GSN: variants seen among roughly 807,000 people sequenced by gnomAD.
GSN encodes gelsolin.
A neutral mutation model predicts 85.7 loss-of-function variants in GSN; 56 were observed. That is an observed-to-expected ratio of 0.65 (90% CI 0.53 to 0.82). The LOEUF (loss-of-function observed/expected upper bound fraction) is 0.82, where lower values mean the gene tolerates loss of function less well. GSN is among the 40% of genes least tolerant of loss of function. GSN has a pLI of 0.00. For synonymous variants in GSN, 373 were observed against 399.1 expected (o/e 0.93, Z 0.78); for missense variants, 857 against 979.8 (o/e 0.87, Z 1.67).
intron 2 of GSN, chr9:121,286,246 G>A: frequency 8.8e-7 from 1 of 1,137,608 alleles, no homozygotes; most frequent in Non-Finnish European, 1.3e-6. Flanking sequence ...ACGCCAGGGA[G>A]ACCCGAGGGA....
At chr9:121,271,384 C>A (rs768588689) in intron 1 of GSN, among the ~76,000 whole-genome samples, 1 of 152,154 alleles carries the variant, frequency 6.6e-6, no homozygotes, top group Non-Finnish European at 1.5e-5. Flanking sequence ...AAAAAGCTAT[C>A]TTTTAATATA....
rs564540580 is a variant in GSN, at chr9:121,292,477, G to T, written c.-9-9486G>T. Among the ~76,000 whole-genome samples, 8 of 152,236 alleles carry T rather than the reference G, an allele frequency of 5.3e-5. No homozygotes were observed. The East Asian group carries it at 1.5e-3, about 29-fold the overall frequency. On this transcript the variant is annotated intron_variant, in intron 2 of 17. Coordinates refer to ENST00000432226, the MANE Select transcript of GSN (RefSeq NM_198252.3). ...GCCAGTGAGCTGTATGTGTGTATAG[G>T]GTCTGGACACATGCTGTAGGTCATC...
At chr9:121,206,062 T>G (rs1004690232), upstream of GSN, among the ~76,000 whole-genome samples, 20 of 152,130 alleles carry the variant, frequency 1.3e-4, no homozygotes, top group Non-Finnish European at 2.8e-4. Flanking sequence ...GACTTTAAAA[T>G]ACTGGTGTCC....
At chr9:121,232,621 G>T (rs2054413669) in intron 5 of GSN, among the ~76,000 whole-genome samples, 1 of 152,178 alleles carries the variant, frequency 6.6e-6, no homozygotes, top group Non-Finnish European at 1.5e-5. Flanking sequence ...GTACGATATG[G>T]TATCATCGAC....
In GSN at chr9:121,321,405, A is replaced by G. The variant is rs2062428956; in HGVS notation, c.1325+4A>G. 1.9e-6 allele frequency: 3 copies of G among 1,613,766 alleles called. No individual in the cohort carries two copies. Among genetic ancestry groups the G allele is most frequent in the Non-Finnish European group, 2.5e-6 (3 of 1,179,754 alleles). ...AGGGGCAGATAATCTATAACTGGTG[A>G]GGTTCTGGGGCCATTGGTGTGTGTC... On this transcript the variant is annotated splice_donor_region_variant and intron_variant, in intron 11 of 17. Transcript: ENST00000432226.
At chr9:121,263,614 G>A (rs954351486), upstream of GSN, among the ~76,000 whole-genome samples, 2 of 152,106 alleles carry the variant, frequency 1.3e-5, no homozygotes, top group African/African-American at 2.4e-5. Flanking sequence ...GTCTCGGCTG[G>A]GCAAGATGGC....
intron 6 of GSN, among the ~76,000 whole-genome samples, chr9:121,251,338 T>A (rs531500208): frequency 3.3e-4 from 50 of 151,688 alleles, no homozygotes; most frequent in African/African-American, 1.2e-3. Context: ...CCTGTCACCA[T>A]ACTTGGCTAA....
chr9:121,305,781 G>C (rs539307275), intron 4 of GSN, among the ~76,000 whole-genome samples: 147 of 152,338 alleles, frequency 9.6e-4, no homozygotes, highest in African/African-American at 3.4e-3. Flanking sequence ...GGCTGGTCTT[G>C]TTTACCACCT....
Position 121,313,821 on chromosome 9 carries a change from T to C in GSN, c.664-113T>C, listed in dbSNP as rs998728113. The stretch of plus-strand genomic sequence containing the variant: ...TGTGTCTGGAGGAGGTCAGACTCCA[T>C]GGGGAGGGTCACAGTGGATGTCCTT... On this transcript the variant is annotated intron_variant, in intron 6 of 17. Transcript: ENST00000432226. The C allele has an allele frequency of 4.2e-5, 35 of 843,086 alleles. 1 individual carries two copies. Among genetic ancestry groups the C allele is most frequent in the Non-Finnish European group, 2.9e-5 (14 of 486,598 alleles). The allele number at this position is 843,086 out of a possible 1,614,324, so 52.2% of individuals were successfully genotyped here. A position where few individuals can be genotyped will look rare whatever the true frequency, so the allele number is the denominator to read the frequency against.
At chr9:121,324,407 C>T in intron 11 of GSN, 147 bp from the exon 12 acceptor site, 1 of 666,088 alleles carries the variant, frequency 1.5e-6, no homozygotes. Context: ...TGGTTCCTGG[C>T]TCTCGTTGTT....
At chr9:121,310,276 C>T (rs1405980532) in intron 4 of GSN, 2 of 298,420 alleles carry the variant, frequency 6.7e-6, no homozygotes, top group Non-Finnish European at 1.3e-5. Context: ...GAACTCTTTC[C>T]TTGCAGAATG....
intron 11 of GSN, among the ~76,000 whole-genome samples, chr9:121,323,848 A>C (rs553814410): frequency 2.0e-5 from 3 of 152,200 alleles, no homozygotes; most frequent in African/African-American, 7.2e-5. Flanking sequence ...TCAATTTGAC[A>C]ACCCCAGACA....
At chr9:121,226,785 T>G (rs1042212547) in intron 4 of GSN, among the ~76,000 whole-genome samples, 1 of 152,190 alleles carries the variant, frequency 6.6e-6, no homozygotes, top group African/African-American at 2.4e-5. Context: ...GGCTCCCGGA[T>G]GGGGGCTGGT....
chr9:121,225,466 C>T (rs180699848), intron 4 of GSN, among the ~76,000 whole-genome samples: 1 of 152,214 alleles, frequency 6.6e-6, no homozygotes, highest in Non-Finnish European at 1.5e-5. Flanking sequence ...AGCCTAGGCA[C>T]GGCTGTTAGA....
At chr9:121,226,564 A>C (rs1043960082) in intron 4 of GSN, among the ~76,000 whole-genome samples, 1 of 152,200 alleles carries the variant, frequency 6.6e-6, no homozygotes, top group Non-Finnish European at 1.5e-5. Flanking sequence ...ACCTGGGGTG[A>C]AATAATAAGA....
chr9:121,288,596 G>T (rs2058377103), intron 2 of GSN, among the ~76,000 whole-genome samples: 1 of 152,190 alleles, frequency 6.6e-6, no homozygotes, highest in African/African-American at 2.4e-5. Flanking sequence ...GAAGAAACGG[G>T]CACTGAGACG....
Position 121,302,153 on chromosome 9 carries a change from T to A in GSN, c.182T>A (p.Leu61His). Reference sequence around the variant, plus strand: ...AGGAACGGAAATCTGCAGTATGACCTCCACTACTGGCTGGGTGAGGCTGGC... The same window carrying A: ...AGGAACGGAAATCTGCAGTATGACCACCACTACTGGCTGGGTGAGGCTGGC... ...QLRNGNLQYD[L>H]HYWLGNECSQ... The change falls in exon 3 of 18, where the codon CTC becomes CAC. Residue 61 changes from leucine to histidine, a missense_variant. Transcript: ENST00000432226. 6.2e-7 allele frequency: 1 copy of A among 1,613,996 alleles called. No homozygotes were observed. The highest frequency in any genetic ancestry group is 8.5e-7 in the Non-Finnish European group (1 of 1,179,946).
chr9:121,256,097 C>G (rs1198366346), intron 6 of GSN, among the ~76,000 whole-genome samples: 1 of 151,884 alleles, frequency 6.6e-6, no homozygotes. Context: ...GTCAAATGAG[C>G]CTTTTTAGAG....
In GSN at chr9:121,324,653, A is replaced by G. The variant is rs1406559459; in HGVS notation, c.1416+9A>G. The G allele has an allele frequency of 7.1e-7, 1 of 1,405,232 alleles. No homozygotes were observed. Among genetic ancestry groups the G allele is most frequent in the East Asian group, 2.5e-5 (1 of 40,280 alleles). The allele number at this position is 1,405,232 out of a possible 1,614,324, so 87.0% of individuals were successfully genotyped here. A position where few individuals can be genotyped will look rare whatever the true frequency, so the allele number is the denominator to read the frequency against. ...GAGGTACCCCTGTCCAGGTGAGCCC[A>G]GCCCACCGCCTCTCTGGGCTGCAGC... On this transcript the variant is annotated intron_variant, in intron 12 of 17. Coordinates refer to ENST00000432226, the MANE Select transcript of GSN (RefSeq NM_198252.3).
Sources: gnomAD v4.1 joint callset for allele counts (sites outside exome capture counted in the v4.1 genomes callset) on GRCh38, gnomAD v4.1.1 for gene constraint, MANE v1.5 for transcripts, NCBI Gene and HGNC (gene_info 2026-07-23, HGNC 2026-07-21) for gene names.